SLURP2: variants seen among roughly 807,000 people sequenced by gnomAD.
The protein encoded by SLURP2 is secreted LY6/PLAUR domain containing 2.
Under a neutral mutation model 9.8 loss-of-function variants are expected in SLURP2, and 4 were observed. That is an observed-to-expected ratio of 0.41 (90% confidence interval 0.20 to 0.94). The LOEUF (loss-of-function observed/expected upper bound fraction) is 0.94, where lower values mean the gene tolerates loss of function less well. Among genes scored for constraint, SLURP2 ranks in the 40% least tolerant of loss-of-function variants. The pLI, the probability that SLURP2 is intolerant of heterozygous loss-of-function variation, is 0.32. For synonymous variants in SLURP2, 58 were observed against 56.2 expected (o/e 1.03, Z -0.15); for missense variants, 118 against 126.4 (o/e 0.93, Z 0.32).
rs886595092 is a variant in SLURP2, at chr8:142,769,782, G to C, written c.25C>G (p.Leu9Val). Residue 9 changes from leucine to valine, a missense_variant, in exon 1 of 3, where the codon CTG (leucine) becomes GTG (valine). Transcript: ENST00000317543. ...AGCTGCAGGCTCAGGACGGCGGCCAGCAGGAGCCCAGTGCCGAGCTGCATG... is the reference window on the plus strand; with the variant it reads ...AGCTGCAGGCTCAGGACGGCGGCCACCAGGAGCCCAGTGCCGAGCTGCATG... MQLGTGLL[L>V]AAVLSLQLAA... 2 of 1,601,188 alleles carry C rather than the reference G, an allele frequency of 1.2e-6. No individual in the cohort carries two copies.
intron 1 of SLURP2, 46 bp from the exon 2 acceptor site, chr8:142,765,186 T>C: frequency 6.7e-7 from 1 of 1,488,068 alleles, no homozygotes; most frequent in African/African-American, 1.4e-5. Context: ...GGGAGGCAGG[T>C]GTGGGCCACC....
At chr8:142,764,822 T>C in intron 2 of SLURP2, 81 bp from the exon 3 acceptor site, 1 of 1,545,370 alleles carries the variant, frequency 6.5e-7, no homozygotes, top group Non-Finnish European at 8.9e-7. Flanking sequence ...GCCACTGAGC[T>C]GAGGGTCAGA....
At chr8:142,765,967 AAAAAAACAAAAAAC>A (rs750043462) in intron 1 of SLURP2, among the ~76,000 whole-genome samples, 14 of 135,944 alleles carry the variant, frequency 1.0e-4, no homozygotes, top group South Asian at 2.4e-4. Context: ...CACCTCAAAA[AAAAAAACAAAAAAC>A]AAAAAACAAA....
At chr8:142,765,726 C>T (rs587682330) in intron 1 of SLURP2, among the ~76,000 whole-genome samples, 6 of 152,208 alleles carry the variant, frequency 3.9e-5, no homozygotes, top group East Asian at 1.9e-4. Context: ...TTTGGGAGGC[C>T]GAGGTGGGTG....
chr8:142,765,192 C>T (rs1179581542), intron 1 of SLURP2, 52 bp from the exon 2 acceptor site: 1 of 1,439,788 alleles, frequency 6.9e-7, no homozygotes, highest in Non-Finnish European at 9.6e-7. Context: ...CAGGTGTGGG[C>T]CACCTTCTGC....
intron 1 of SLURP2, 81 bp from the exon 2 acceptor site, chr8:142,765,221 T>C: frequency 4.7e-6 from 5 of 1,071,032 alleles, no homozygotes; most frequent in Non-Finnish European, 6.9e-6. Flanking sequence ...CACGCACTCA[T>C]CTCCACCCAG....
chr8:142,768,617 C>T lies in SLURP2; in HGVS notation c.52+1138G>A, dbSNP rs962722033. Among the ~76,000 whole-genome samples the T allele has an allele frequency of 3.3e-5, 5 of 152,112 alleles. No individual in the cohort carries two copies. Among genetic ancestry groups the T allele is most frequent in the African/African-American group, 9.7e-5 (4 of 41,420 alleles). Reference sequence around the variant, plus strand: ...CCAGGCAGAGGCTCCTGTGATGTGCCATCCCTGGCCTGGATGGCCACCTGA... The same window carrying T: ...CCAGGCAGAGGCTCCTGTGATGTGCTATCCCTGGCCTGGATGGCCACCTGA... On this transcript the variant is annotated intron_variant, in intron 1 of 2. Coordinates refer to ENST00000317543, the MANE Select transcript of SLURP2 (RefSeq NM_177458.3). The surrounding 1 kb of genome is among the most constrained non-coding windows in gnomAD (Gnocchi z 4.8).
Position 142,764,542 on chromosome 8 carries a change from C to T in SLURP2, c.*63G>A, listed in dbSNP as rs773721514. The T allele has an allele frequency of 1.9e-6, 3 of 1,563,380 alleles. No individual in the cohort carries two copies. Among genetic ancestry groups the T allele is most frequent in the East Asian group, 4.5e-5 (2 of 44,178 alleles). ...TCTCGAGGGAGGGGCAGCTGTGAGC[C>T]CTGGCGCCAGGCTGTGGGGGCTGTG... On this transcript the variant is annotated 3_prime_UTR_variant, in exon 3 of 3. Transcript: ENST00000317543.
chr8:142,765,665 T>C (rs1814981430), intron 1 of SLURP2, among the ~76,000 whole-genome samples: 1 of 151,976 alleles, frequency 6.6e-6, no homozygotes, highest in Non-Finnish European at 1.5e-5. Flanking sequence ...TTAAAAGAAA[T>C]TAAAGAATGT....
Position 142,764,538 on chromosome 8 carries a change from G to C in SLURP2, c.*67C>G. On this transcript the variant is annotated 3_prime_UTR_variant, in exon 3 of 3. Transcript: ENST00000317543. ...CCAGTCTCGAGGGAGGGGCAGCTGT[G>C]AGCCCTGGCGCCAGGCTGTGGGGGC... 6.5e-7 allele frequency: 1 copy of C among 1,544,654 alleles called. No individual in the cohort carries two copies. The highest frequency in any genetic ancestry group is 8.8e-7 in the Non-Finnish European group (1 of 1,135,424).
At chr8:142,769,489 G>T (rs1392456902) in intron 1 of SLURP2, among the ~76,000 whole-genome samples, 1 of 149,718 alleles carries the variant, frequency 6.7e-6, no homozygotes, top group Non-Finnish European at 1.5e-5. Context: ...GAGAGGTCTG[G>T]GGGCTGGGCA....
At chr8:142,766,088 C>T (rs1814997404) in intron 1 of SLURP2, 1 of 152,210 alleles carries the variant, frequency 6.6e-6, no homozygotes, top group South Asian at 2.1e-4. Flanking sequence ...TTAATAATTC[C>T]CTGCCTGTTC....
At chr8:142,765,210 G>C (rs1330120187) in intron 1 of SLURP2, 70 bp from the exon 2 acceptor site, 1 of 1,209,482 alleles carries the variant, frequency 8.3e-7, no homozygotes, top group African/African-American at 1.5e-5. Context: ...TGCAGTGACG[G>C]CACGCACTCA....
rs116580744 is a variant in SLURP2 at position 142,768,566 on chromosome 8, G to A, written c.52+1189C>T. ...GGTGCAGGGAAGGGCCTCTGGGTCA[G>A]AGGGGAGTCCGTGGGCACCGGGCAC... On this transcript the variant is annotated intron_variant, in intron 1 of 2. Transcript: ENST00000317543. The surrounding 1 kb of genome is among the most constrained non-coding windows in gnomAD (Gnocchi z 4.8). 1.3e-5 allele frequency among the ~76,000 whole-genome samples: 2 copies of A among 152,142 alleles called. No individual in the cohort carries two copies. The highest frequency in any genetic ancestry group is 4.8e-5 in the African/African-American group (2 of 41,424).
intron 2 of SLURP2, 52 bp downstream of exon 2, chr8:142,764,984 C>A: frequency 1.3e-6 from 2 of 1,487,646 alleles, no homozygotes; most frequent in South Asian, 1.2e-5. Context: ...GAGCCCACAT[C>A]TTCCCACCTG....
chr8:142,768,460 G>A lies in SLURP2; in HGVS notation c.52+1295C>T, dbSNP rs587688500. ...AGAGAGGCTCGCCAGTCCTCCAACC[G>A]GAAGAGCAGTGAGGCAGCTTGGGGC... On this transcript the variant is annotated intron_variant, in intron 1 of 2. Transcript: ENST00000317543. The surrounding 1 kb of genome is among the most constrained non-coding windows in gnomAD (Gnocchi z 4.8). Among the ~76,000 whole-genome samples the A allele has an allele frequency of 1.4e-4, 22 of 152,214 alleles. No homozygotes were observed. In the South Asian group the frequency reaches 3.5e-3, roughly 24 times the overall value.
At chr8:142,764,927 T>C in intron 2 of SLURP2, 109 bp downstream of exon 2, 1 of 1,154,884 alleles carries the variant, frequency 8.7e-7, no homozygotes, top group Non-Finnish European at 1.3e-6. Context: ...CACTCCCCAC[T>C]ATGCTTCTGA....
In SLURP2 at chr8:142,767,581, C is replaced by A. The variant is rs184915648; in HGVS notation, c.52+2174G>T. Among the ~76,000 whole-genome samples the A allele has an allele frequency of 3.9e-5, 6 of 152,326 alleles. No individual in the cohort carries two copies. In the East Asian group the frequency reaches 1.2e-3, roughly 29 times the overall value. On this transcript the variant is annotated intron_variant, in intron 1 of 2. Coordinates refer to ENST00000317543, the MANE Select transcript of SLURP2 (RefSeq NM_177458.3). ...ACACATGCCCACGCTCCCAAGGCCT[C>A]CCTGGCTTTGAACTTGCTGTTCCTC...
chr8:142,765,839 T>G (rs1333424522), intron 1 of SLURP2, among the ~76,000 whole-genome samples: 2 of 151,890 alleles, frequency 1.3e-5, no homozygotes, highest in Non-Finnish European at 2.9e-5. Context: ...GGCGTGTGCC[T>G]GTAATCCCAG....
Sources: allele counts gnomAD v4.1 joint callset (sites outside exome capture counted in the v4.1 genomes callset), GRCh38; gene constraint gnomAD v4.1.1; non-coding constraint Gnocchi (gnomAD v3.1); transcripts MANE v1.5; gene names NCBI Gene and HGNC (gene_info 2026-07-23, HGNC 2026-07-21).